ZNF567: variants seen among roughly 807,000 people sequenced by gnomAD.
ZNF567 encodes the protein zinc finger protein 567.
Under a neutral mutation model 53.9 loss-of-function variants are expected in ZNF567, and 36 were observed. That is an observed-to-expected ratio of 0.67 (90% confidence interval 0.51 to 0.88). The LOEUF is 0.88. ZNF567 is among the 40% of genes least tolerant of loss of function. The pLI is 0.00. For synonymous variants in ZNF567, 224 were observed against 260.4 expected (o/e 0.86, Z 1.35); for missense variants, 619 against 764.7 (o/e 0.81, Z 2.25).
At chr19:36,721,732 C>CTTTTTTTTTTTTTTTTTTTTTTTTTTT (rs756276834), downstream of ZNF567, among the ~76,000 whole-genome samples, 1 of 121,654 alleles carries the variant, frequency 8.2e-6, no homozygotes, top group Admixed American at 1.0e-4. Context: ...GTACCAGAGT[C>CTTTTTTTTTTTTTTTTTTTTTTTTTTT]TTTTTTTTTT....
chr19:36,692,242 C>T (rs544778955), intron 2 of ZNF567, among the ~76,000 whole-genome samples: 1 of 152,138 alleles, frequency 6.6e-6, no homozygotes, highest in Non-Finnish European at 1.5e-5. Context: ...AGTTTTGCCT[C>T]TTGATTGTGG....
At chr19:36,695,087 A>G (rs1043302320) in intron 3 of ZNF567, among the ~76,000 whole-genome samples, 3 of 151,888 alleles carry the variant, frequency 2.0e-5, no homozygotes, top group African/African-American at 7.3e-5. Flanking sequence ...AAGTGGATAA[A>G]TCAGGCCAGG....
intron 5 of ZNF567, among the ~76,000 whole-genome samples, chr19:36,715,598 C>T (rs528001014): frequency 8.0e-5 from 12 of 149,934 alleles, no homozygotes; most frequent in African/African-American, 2.0e-4. Flanking sequence ...GGCTCGATCT[C>T]GACTCACCGC....
chr19:36,702,491 G>A (rs903152318), intron 3 of ZNF567, among the ~76,000 whole-genome samples: 58 of 148,652 alleles, frequency 3.9e-4, no homozygotes, highest in African/African-American at 1.4e-3. Context: ...GATTGGGGAA[G>A]TTCTCCTGGA....
rs2040201792 is a variant in ZNF567, at chr19:36,719,229, C to G, written c.505C>G (p.Leu169Val). 6.2e-7 allele frequency: 1 copy of G among 1,613,884 alleles called. No individual in the cohort carries two copies. Among genetic ancestry groups the G allele is most frequent in the Admixed American group, 1.7e-5 (1 of 60,002 alleles). The change falls in exon 6 of 6, where the codon CTC (leucine) becomes GTC (valine). Residue 169 changes from leucine to valine, a missense_variant. By Grantham distance (32) the Leu-to-Val change is conservative. Transcript: ENST00000682579. ...TGAGTATAATGGATATGGGAAATCACTCCTGAGTACTAAACAAGAGACTAC... is the reference window on the plus strand; with the variant it reads ...TGAGTATAATGGATATGGGAAATCAGTCCTGAGTACTAAACAAGAGACTAC... ...LSEYNGYGKS[L>V]LSTKQETTHP... is the part of the protein sequence containing the mutation.
the ZNF567 span, among the ~76,000 whole-genome samples, chr19:36,679,113 C>T: frequency 6.6e-6 from 1 of 151,944 alleles, no homozygotes; most frequent in African/African-American, 2.4e-5. Flanking sequence ...GGTGAAACCC[C>T]GTCTCTAATA....
the ZNF567 span, chr19:36,668,792 G>A: frequency 6.6e-6 from 1 of 152,178 alleles, no homozygotes; most frequent in African/African-American, 2.4e-5. Context: ...GAGAACAAGT[G>A]ATTCTGCTTG....
intron 2 of ZNF567, among the ~76,000 whole-genome samples, chr19:36,690,290 A>T (rs2038531956): frequency 6.6e-6 from 1 of 152,208 alleles, no homozygotes; most frequent in African/African-American, 2.4e-5. Context: ...ATTAAAGAGC[A>T]CATTTTAAAA....
chr19:36,699,205 C>G (rs1234537849), intron 3 of ZNF567, among the ~76,000 whole-genome samples: 3 of 152,062 alleles, frequency 2.0e-5, no homozygotes, highest in Non-Finnish European at 2.9e-5. Context: ...TTGTTTTTCT[C>G]AGATTTGTCA....
chr19:36,710,193 C>G (rs2039702252), intron 3 of ZNF567, among the ~76,000 whole-genome samples: 1 of 150,728 alleles, frequency 6.6e-6, no homozygotes, highest in South Asian at 2.1e-4. Context: ...TACTGATTCT[C>G]TATTTCTGTG....
chr19:36,686,908 C>A (rs1250588192), upstream of ZNF567: 1 of 152,160 alleles, frequency 6.6e-6, no homozygotes, highest in African/African-American at 2.4e-5. Context: ...CCGCCAGGAT[C>A]CCCTGTGTCA....
At chr19:36,715,071 C>T (rs1335945497) in intron 5 of ZNF567, among the ~76,000 whole-genome samples, 1 of 152,154 alleles carries the variant, frequency 6.6e-6, no homozygotes, top group Non-Finnish European at 1.5e-5. Context: ...AGGCGTACTA[C>T]AGTCTATCAT....
At chr19:36,715,506 A>ATTATT (rs1568711494) in intron 5 of ZNF567, among the ~76,000 whole-genome samples, 39 of 25,952 alleles carry the variant, frequency 1.5e-3, no homozygotes, top group South Asian at 8.0e-3. Flanking sequence ...TAATAATAAT[A>ATTATT]ATAATTATTA....
chr19:36,712,179 TG>T (rs1451128424), intron 3 of ZNF567: 2 of 439,840 alleles, frequency 4.5e-6, no homozygotes, highest in East Asian at 9.8e-5. Context: ...CCCATGTAAC[TG>T]GGATTACAGG....
chr19:36,690,818 C>T (rs1440445431), intron 2 of ZNF567, among the ~76,000 whole-genome samples: 2 of 152,070 alleles, frequency 1.3e-5, no homozygotes, highest in Non-Finnish European at 2.9e-5. Context: ...AATTATATCT[C>T]AATGCTGTCA....
At chr19:36,723,515 C>T (rs1277674618), downstream of ZNF567, among the ~76,000 whole-genome samples, 7 of 152,036 alleles carry the variant, frequency 4.6e-5, no homozygotes, top group East Asian at 1.2e-3. Flanking sequence ...GAGATATTAA[C>T]GGGCAGTTTT....
chr19:36,691,692 A>G lies in ZNF567; in HGVS notation c.-67+2195A>G, dbSNP rs551199239. ...CAGAAGTAACCTCTGTTGTAATTTC[A>G]TCTCATATAAAAGGAGTCATGCAGA... On this transcript the variant is annotated intron_variant, in intron 2 of 5. Transcript: ENST00000682579. 1.2e-4 allele frequency among the ~76,000 whole-genome samples: 19 copies of G among 152,340 alleles called. No homozygotes were observed. In the South Asian group the frequency reaches 1.5e-3, roughly 12 times the overall value.
intron 3 of ZNF567, among the ~76,000 whole-genome samples, chr19:36,702,263 T>C (rs2039236081): frequency 6.6e-6 from 1 of 152,172 alleles, no homozygotes; most frequent in African/African-American, 2.4e-5. Context: ...CCCACTGTCT[T>C]CTGGCTTGTA....
the ZNF567 span, among the ~76,000 whole-genome samples, chr19:36,676,033 A>G: frequency 1.0e-5 from 1 of 95,622 alleles, no homozygotes; most frequent in African/African-American, 3.9e-5. Flanking sequence ...GGATTTGTCT[A>G]TATTTTTCTA....
Sources: allele counts gnomAD v4.1 joint callset (sites outside exome capture counted in the v4.1 genomes callset), GRCh38; gene constraint gnomAD v4.1.1; transcripts MANE v1.5; gene names NCBI Gene and HGNC (gene_info 2026-07-23, HGNC 2026-07-21).